The following DAP variants were observed in gnomAD, a reference collection of about 807,000 sequenced individuals.
DAP encodes the protein death associated protein, also known as death-associated protein 1.
DAP carries 8 observed loss-of-function variants against 13.8 expected under a neutral mutation model. That is an observed-to-expected ratio of 0.58 (90% CI 0.34 to 1.05). The LOEUF (loss-of-function observed/expected upper bound fraction) is 1.05, where lower values mean the gene tolerates loss of function less well. Ranked by LOEUF, DAP falls within the 50% of genes least tolerant of loss-of-function variation. The pLI, the probability that DAP is intolerant of heterozygous loss-of-function variation, is 0.03. For synonymous variants in DAP, 47 were observed against 47.5 expected (o/e 0.99, Z 0.04); for missense variants, 106 against 133.2 (o/e 0.80, Z 1.01).
intron 2 of DAP, among the ~76,000 whole-genome samples, chr5:10,704,562 C>T (rs1464897032): frequency 6.6e-6 from 1 of 152,090 alleles, no homozygotes; most frequent in East Asian, 1.9e-4. Context: ...ATGGAGATGC[C>T]ATGGTCAGCT....
At chr5:10,704,072 A>T (rs1738644010) in intron 2 of DAP, among the ~76,000 whole-genome samples, 1 of 152,230 alleles carries the variant, frequency 6.6e-6, no homozygotes, top group African/African-American at 2.4e-5. Context: ...TCATCTCCAC[A>T]GGTGCCTTTG....
At chr5:10,735,587 CAT>C (rs1305729830) in intron 2 of DAP, among the ~76,000 whole-genome samples, 2 of 152,176 alleles carry the variant, frequency 1.3e-5, no homozygotes, top group Non-Finnish European at 2.9e-5. Context: ...AATGAATACT[CAT>C]ATGCTGGGGA....
intron 1 of DAP, among the ~76,000 whole-genome samples, chr5:10,750,746 T>C (rs1031862273): frequency 1.3e-5 from 2 of 152,200 alleles, no homozygotes; most frequent in Non-Finnish European, 2.9e-5. Context: ...CTAATCCTGC[T>C]GTCTGTTTTT....
At chr5:10,701,594 A>AG (rs932927105) in intron 2 of DAP, among the ~76,000 whole-genome samples, 2 of 5,670 alleles carry the variant, frequency 3.5e-4, no homozygotes, top group African/African-American at 1.5e-3. Context: ...AAAAAGGTTG[A>AG]GGGGGACGGG....
chr5:10,704,417 C>T (rs1738651825), intron 2 of DAP, among the ~76,000 whole-genome samples: 2 of 152,050 alleles, frequency 1.3e-5, no homozygotes, highest in South Asian at 2.1e-4. Context: ...GCCTTGGAGA[C>T]ATGGGCACTT....
At position 10,679,582 on chromosome 5, in the gene DAP, G is replaced by A. The variant is rs1737929195; in HGVS notation, c.*1474C>T. ...CATGGCAGCGCTGCCAACCAAGTCT[G>A]GGTCTCTAAAAGCCACCCTCAGTTT... On this transcript the variant is annotated 3_prime_UTR_variant, in exon 4 of 4. Coordinates refer to ENST00000230895, the MANE Select transcript of DAP (RefSeq NM_004394.3). 1 of 152,418 alleles carries A rather than the reference G, an allele frequency of 6.6e-6. No individual in the cohort carries two copies. The highest frequency in any genetic ancestry group is 1.5e-5 in the Non-Finnish European group (1 of 68,106). The allele number at this position is 152,418 out of a possible 1,614,324, so 9.4% of individuals were successfully genotyped here.
chr5:10,748,145 C>T (rs1420624903), intron 2 of DAP, 30 bp downstream of exon 2: 1 of 1,488,810 alleles, frequency 6.7e-7, no homozygotes, highest in Non-Finnish European at 9.4e-7. Flanking sequence ...TTTTGGAAAA[C>T]ATGCTCAAGA....
At chr5:10,730,514 G>A (rs571995432) in intron 2 of DAP, among the ~76,000 whole-genome samples, 9 of 150,830 alleles carry the variant, frequency 6.0e-5, no homozygotes, top group East Asian at 2.0e-4. Flanking sequence ...AGACCGGGTC[G>A]GGGGGAATCT....
intron 2 of DAP, among the ~76,000 whole-genome samples, chr5:10,704,492 G>C (rs1738653291): frequency 6.6e-6 from 1 of 152,096 alleles, no homozygotes; most frequent in Non-Finnish European, 1.5e-5. Flanking sequence ...AAGGGAAATG[G>C]ATTAGAAACA....
chr5:10,729,543 T>A (rs749713184), intron 2 of DAP, among the ~76,000 whole-genome samples: 4 of 152,230 alleles, frequency 2.6e-5, no homozygotes, highest in Non-Finnish European at 5.9e-5. Context: ...CTTAGATAAA[T>A]TCAAAGTGAT....
intron 2 of DAP, among the ~76,000 whole-genome samples, chr5:10,741,067 G>A (rs1739741028): frequency 6.6e-6 from 1 of 152,190 alleles, no homozygotes; most frequent in Admixed American, 6.5e-5. Flanking sequence ...AAAATTGGCT[G>A]TAGCTGGGTG....
rs139335468 is a variant in DAP at position 10,722,302 on chromosome 5, G to A, written c.152+25873C>T. On this transcript the variant is annotated intron_variant, in intron 2 of 3. Coordinates refer to ENST00000230895, the MANE Select transcript of DAP (RefSeq NM_004394.3). ...TAAAGCAGGCAGAAAAACATGAAGC[G>A]AGAGACTGGCCTCACCTCCCAGCCT... Among the ~76,000 whole-genome samples, 87 of 152,126 alleles carry A rather than the reference G, an allele frequency of 5.7e-4. 1 individual carries two copies. The highest frequency in any genetic ancestry group is 1.9e-4 in the East Asian group (1 of 5,178).
At chr5:10,718,678 G>A (rs1484340931) in intron 2 of DAP, among the ~76,000 whole-genome samples, 1 of 152,238 alleles carries the variant, frequency 6.6e-6, no homozygotes, top group Non-Finnish European at 1.5e-5. Context: ...TGCAGCTGCT[G>A]TGCCAGATGT....
At chr5:10,745,053 A>G (rs1483969571) in intron 2 of DAP, among the ~76,000 whole-genome samples, 1 of 152,228 alleles carries the variant, frequency 6.6e-6, no homozygotes, top group African/African-American at 2.4e-5. Flanking sequence ...ATATGAACAG[A>G]GCAGTTAGAA....
At chr5:10,733,978 A>G (rs1412722176) in intron 2 of DAP, 2 of 152,246 alleles carry the variant, frequency 1.3e-5, no homozygotes. Context: ...TCATGTGGTT[A>G]TTATTACATA....
intron 2 of DAP, among the ~76,000 whole-genome samples, chr5:10,689,181 T>TA (rs1738234814): frequency 6.6e-6 from 1 of 152,158 alleles, no homozygotes; most frequent in Admixed American, 6.5e-5. Context: ...GCCTGAGTGC[T>TA]GGAAAACACA....
Position 10,741,408 on chromosome 5 carries a change from A to G in DAP, c.152+6767T>C, listed in dbSNP as rs532813087. ...GTAGGAGTATTCACACCATAAAATT[A>G]GCAAATGCTACAAATCGGGCTTTTA... On this transcript the variant is annotated intron_variant, in intron 2 of 3. Transcript: ENST00000230895. Among the ~76,000 whole-genome samples, 7 of 152,322 alleles carry G rather than the reference A, an allele frequency of 4.6e-5. No homozygotes were observed. In the South Asian group the frequency reaches 1.5e-3, roughly 32 times the overall value.
intron 2 of DAP, among the ~76,000 whole-genome samples, chr5:10,697,643 G>C (rs1738467509): frequency 6.6e-6 from 1 of 152,098 alleles, no homozygotes; most frequent in Non-Finnish European, 1.5e-5. Flanking sequence ...ATTTTAAATA[G>C]GATAAAACTA....
At chr5:10,738,598 T>C (rs1023007194) in intron 2 of DAP, among the ~76,000 whole-genome samples, 2 of 152,212 alleles carry the variant, frequency 1.3e-5, no homozygotes, top group Non-Finnish European at 2.9e-5. Context: ...TCTTCAAACA[T>C]GTCAAGGTCA....
Sources: gnomAD v4.1 joint callset for allele counts (sites outside exome capture counted in the v4.1 genomes callset) on GRCh38, gnomAD v4.1.1 for gene constraint, MANE v1.5 for transcripts, NCBI Gene and HGNC (gene_info 2026-07-23, HGNC 2026-07-21) for gene names.